The following H2BC4 variants were observed in gnomAD, a reference collection of about 807,000 sequenced individuals.
H2BC4 encodes the protein histone H2B type 1-C/E/F/G/I.
Under a neutral mutation model 6.2 loss-of-function variants are expected in H2BC4, and 10 were observed. The observed-to-expected ratio is 1.61, with a 90% CI of 0.99 to 2.73. The LOEUF is 2.73. Ranked by LOEUF, H2BC4 falls within the 30% of genes most tolerant of loss-of-function variation. The pLI is 0.00. For synonymous variants in H2BC4, 146 were observed against 70.7 expected (o/e 2.07, Z -5.35); for missense variants, 176 against 168.7 (o/e 1.04, Z -0.24).
chr6:26,118,244 A>G (rs1763449732), intron 1 of H2BC4, among the ~76,000 whole-genome samples: 1 of 152,138 alleles, frequency 6.6e-6, no homozygotes, highest in Non-Finnish European at 1.5e-5. Flanking sequence ...TACAAATATT[A>G]TAAGAATTCC....
rs1561955321 is a variant in H2BC4, at chr6:26,123,478, T to TA, written c.*45dup. ...TTTTAGTGGGTATCTGGGTGGCTCT[T>TA]AAAAGAGCCTTTGGGGTTAGGTGTT... is the stretch of plus-strand genomic sequence containing the variant. On this transcript the variant is annotated 3_prime_UTR_variant, in exon 1 of 1. Coordinates refer to ENST00000396984, the MANE Select transcript of H2BC4 (RefSeq NM_003526.3). 1 of 1,611,362 alleles carries TA rather than the reference T, an allele frequency of 6.2e-7. No homozygotes were observed. The highest frequency in any genetic ancestry group is 8.5e-7 in the Non-Finnish European group (1 of 1,179,012).
chr6:26,123,137 AAGCTGGTGG>A (rs1380085613), downstream of H2BC4, among the ~76,000 whole-genome samples: 7 of 152,212 alleles, frequency 4.6e-5, no homozygotes, highest in Non-Finnish European at 1.0e-4. Context: ...TATTGGCTAG[AAGCTGGTGG>A]CGAAATTATG....
downstream of H2BC4, among the ~76,000 whole-genome samples, chr6:26,121,104 C>G (rs553269755): frequency 3.3e-5 from 5 of 152,162 alleles, no homozygotes; most frequent in African/African-American, 7.2e-5. Flanking sequence ...AAGAGGCATA[C>G]AAGCACAAAA....
chr6:26,118,482 G>T (rs753761602), downstream of H2BC4, among the ~76,000 whole-genome samples: 7 of 152,154 alleles, frequency 4.6e-5, no homozygotes, highest in Non-Finnish European at 8.8e-5. Flanking sequence ...TTACAAACCT[G>T]CAAAAAGTTA....
chr6:26,120,200 C>T (rs180967031), downstream of H2BC4, among the ~76,000 whole-genome samples: 3 of 152,210 alleles, frequency 2.0e-5, 1 homozygote, highest in East Asian at 1.9e-4. Context: ...CGGTGGCTCA[C>T]GCCTGTAATC....
intron 1 of H2BC4, among the ~76,000 whole-genome samples, chr6:26,118,388 C>G (rs1203212673): frequency 6.6e-6 from 1 of 152,068 alleles, no homozygotes; most frequent in Non-Finnish European, 1.5e-5. Flanking sequence ...ATTATTTTGA[C>G]TCAAATGTGG....
chr6:26,123,914 C>T lies in H2BC4; in HGVS notation c.-10G>A, dbSNP rs774532919. ...TGGCTGGCTCAGGCATCTTAAAACA[C>T]CAGAAATGTGTCGAAAGTAAAGAGC... is the stretch of plus-strand genomic sequence containing the variant. On this transcript the variant is annotated 5_prime_UTR_variant, in exon 1 of 1. In the 5' UTR this introduces an upstream ATG that the reference lacks. Transcript: ENST00000396984. The T allele has an allele frequency of 6.2e-6, 10 of 1,611,568 alleles. No homozygotes were observed. The highest frequency in any genetic ancestry group is 4.4e-5 in the South Asian group (4 of 90,870).
chr6:26,123,387 C>G (rs770745106), downstream of H2BC4: 2 of 1,422,588 alleles, frequency 1.4e-6, no homozygotes, highest in African/African-American at 1.4e-5. Flanking sequence ...GTCCCCACCC[C>G]TCTCCAGTTC....
exon 2 of H2BC4, chr6:26,115,003 CTTT>C (rs1482318989): frequency 6.6e-6 from 1 of 152,122 alleles, no homozygotes; most frequent in Non-Finnish European, 1.5e-5. Flanking sequence ...ATTTGTCCTT[CTTT>C]GATTGTTCAA....
chr6:26,113,849 C>CT (rs2113792388), downstream of H2BC4, among the ~76,000 whole-genome samples: 1 of 148,342 alleles, frequency 6.7e-6, no homozygotes, highest in Non-Finnish European at 1.5e-5. Context: ...ATGTGCAGAG[C>CT]TCCCTCTCTT....
downstream of H2BC4, among the ~76,000 whole-genome samples, chr6:26,120,178 C>A (rs966498384): frequency 6.6e-6 from 1 of 152,074 alleles, no homozygotes; most frequent in Non-Finnish European, 1.5e-5. Context: ...ATAAGATAGT[C>A]TTTTCTGGGC....
At position 26,123,800 on chromosome 6, in the gene H2BC4, C is replaced by G. The variant is rs1430509079; in HGVS notation, c.105G>C (p.Lys35Asn). ...TGTACACGTACACAGAGTAACTCTC[C>G]TTGCGGCTGCGCTTGCGCTTCTTGC... ...KDGKKRKRSR[K>N]ESYSVYVYKV... is the part of the protein sequence containing the mutation. Residue 35 changes from lysine (K) to asparagine (N), a missense_variant, in exon 1 of 1, where the codon AAG (lysine) becomes AAC (asparagine). Coordinates refer to ENST00000396984, the MANE Select transcript of H2BC4 (RefSeq NM_003526.3). 2 of 1,614,258 alleles carry G rather than the reference C, an allele frequency of 1.2e-6. No homozygotes were observed. The highest frequency in any genetic ancestry group is 3.3e-5 in the Admixed American group (2 of 60,034).
chr6:26,120,842 G>A (rs959101961), downstream of H2BC4, among the ~76,000 whole-genome samples: 1 of 152,012 alleles, frequency 6.6e-6, no homozygotes, highest in African/African-American at 2.4e-5. Context: ...CTTAAAGAAC[G>A]TGAAGGGGCA....
intron 1 of H2BC4, among the ~76,000 whole-genome samples, chr6:26,115,781 T>G (rs1763409947): frequency 6.6e-6 from 1 of 152,244 alleles, no homozygotes; most frequent in Non-Finnish European, 1.5e-5. Flanking sequence ...TGCAATTTTA[T>G]TTTTTAATTG....
chr6:26,118,675 G>A (rs1388853856), downstream of H2BC4, among the ~76,000 whole-genome samples: 1 of 152,198 alleles, frequency 6.6e-6, no homozygotes, highest in Non-Finnish European at 1.5e-5. Context: ...ATCTTCCTCT[G>A]TAGACTTTGA....
downstream of H2BC4, among the ~76,000 whole-genome samples, chr6:26,120,402 T>C (rs1763482956): frequency 6.6e-6 from 1 of 151,912 alleles, no homozygotes. Flanking sequence ...TGAGCCGAGA[T>C]TGTGCCACTG....
chr6:26,123,815 G>A lies in H2BC4; in HGVS notation c.90C>T (p.Arg30=). Residue 30 remains arginine, a synonymous_variant, in exon 1 of 1, where the codon CGC becomes CGT. Transcript: ENST00000396984. ...AGTAACTCTCCTTGCGGCTGCGCTTGCGCTTCTTGCCATCTTTCTTCTGCG... is the reference window on the plus strand; with the variant it reads ...AGTAACTCTCCTTGCGGCTGCGCTTACGCTTCTTGCCATCTTTCTTCTGCG... ...TKAQKKDGKK[R]KRSRKESYSV... The A allele has an allele frequency of 6.2e-7, 1 of 1,614,258 alleles. No homozygotes were observed. The highest frequency in any genetic ancestry group is 8.5e-7 in the Non-Finnish European group (1 of 1,180,048).
At chr6:26,123,124 G>A (rs904486064), downstream of H2BC4, among the ~76,000 whole-genome samples, 2 of 152,186 alleles carry the variant, frequency 1.3e-5, no homozygotes, top group Non-Finnish European at 2.9e-5. Flanking sequence ...TGACAGGACA[G>A]CCTATTGGCT....
downstream of H2BC4, among the ~76,000 whole-genome samples, chr6:26,122,705 G>T (rs198823): frequency 0.62 from 94,135 of 152,088 alleles, 29,583 homozygotes; most frequent in Non-Finnish European, 0.65. Flanking sequence ...TTTCAAACTT[G>T]TCTGCATGTT....
Sources: allele counts gnomAD v4.1 joint callset (sites outside exome capture counted in the v4.1 genomes callset), GRCh38; gene constraint gnomAD v4.1.1; transcripts MANE v1.5; gene names NCBI Gene and HGNC (gene_info 2026-07-23, HGNC 2026-07-21).